KLHL4: variants seen among roughly 807,000 people sequenced by gnomAD.
KLHL4 encodes the protein kelch-like protein 4.
A neutral mutation model predicts 45.8 loss-of-function variants in KLHL4; 17 were observed. The ratio of observed to expected loss-of-function variants is 0.37; its 90% CI spans 0.25 to 0.56. The LOEUF is 0.56. Ranked by LOEUF, KLHL4 falls within the 20% of genes least tolerant of loss-of-function variation. The probability of loss-of-function intolerance (pLI) is 0.79; values close to 1 mark genes in which losing one functional copy is unlikely to be tolerated. For synonymous variants in KLHL4, 224 were observed against 189.9 expected (o/e 1.18, Z -1.47); for missense variants, 544 against 544.9 (o/e 1.00, Z 0.02).
rs745550271 is a variant in KLHL4, at chrX:87,601,093, G to A, written c.423-12784G>A. Among the ~76,000 whole-genome samples the A allele has an allele frequency of 2.7e-5, 3 of 111,951 alleles. No homozygotes were observed. In the South Asian group the frequency reaches 1.1e-3, roughly 42 times the overall value. On this transcript the variant is annotated intron_variant, in intron 1 of 10. Coordinates refer to ENST00000373119, the MANE Select transcript of KLHL4 (RefSeq NM_019117.5). ...ATCCATACAGGTCTACAGCAACTTG[G>A]TTCTTGACTCCTTGGAGGAAATAAT...
intron 1 of KLHL4, among the ~76,000 whole-genome samples, chrX:87,567,176 C>T (rs888803880): frequency 3.6e-5 from 4 of 111,040 alleles, no homozygotes; most frequent in South Asian, 3.8e-4. Context: ...TATGAAAAAT[C>T]GGCAGCTAAC....
intron 1 of KLHL4, among the ~76,000 whole-genome samples, chrX:87,572,299 A>C (rs1012927968): frequency 1.4e-5 from 1 of 72,446 alleles, no homozygotes; most frequent in African/African-American, 5.4e-5. Flanking sequence ...CAAATTGTCT[A>C]CCCTTTCTTC....
At chrX:87,591,266 G>GA (rs1921654477) in intron 1 of KLHL4, among the ~76,000 whole-genome samples, 1 of 111,563 alleles carries the variant, frequency 9.0e-6, no homozygotes, top group Non-Finnish European at 1.9e-5. Context: ...TCATATACGT[G>GA]ATTTGTCATT....
chrX:87,548,350 A>G (rs1931728455), intron 1 of KLHL4, among the ~76,000 whole-genome samples: 1 of 112,080 alleles, frequency 8.9e-6, no homozygotes, highest in Admixed American at 9.5e-5. Context: ...GTCTACAAGA[A>G]ATGCTGAAGG....
At chrX:87,566,829 C>T (rs1307965739) in intron 1 of KLHL4, among the ~76,000 whole-genome samples, 1 of 111,098 alleles carries the variant, frequency 9.0e-6, no homozygotes, top group East Asian at 2.9e-4. Context: ...GAAAAAAGAT[C>T]ATTACAATCT....
At chrX:87,605,666 A>G (rs1260596220) in intron 1 of KLHL4, among the ~76,000 whole-genome samples, 1 of 111,148 alleles carries the variant, frequency 9.0e-6, no homozygotes, top group Non-Finnish European at 1.9e-5. Flanking sequence ...AGATAATGCC[A>G]TCTGCAAATA....
intron 1 of KLHL4, among the ~76,000 whole-genome samples, chrX:87,574,061 T>TA (rs1005051448): frequency 5.4e-5 from 6 of 111,478 alleles, no homozygotes; most frequent in Non-Finnish European, 7.6e-5. Context: ...TATTCAAAAC[T>TA]AAAAAAAATT....
In KLHL4 at chrX:87,517,859, T is replaced by A; in HGVS notation, c.-35T>A. The A allele has an allele frequency of 8.6e-7, 1 of 1,162,857 alleles. No homozygotes were observed. The highest frequency in any genetic ancestry group is 1.1e-6 in the Non-Finnish European group (1 of 870,420). ...GATAACAAAGGCTCCGTTTCCTTTCTGTGAGAGAAGGCTTTTGTCTTTCCT... is the reference window on the plus strand; with the variant it reads ...GATAACAAAGGCTCCGTTTCCTTTCAGTGAGAGAAGGCTTTTGTCTTTCCT... On this transcript the variant is annotated 5_prime_UTR_variant, in exon 1 of 11. Coordinates refer to ENST00000373119, the MANE Select transcript of KLHL4 (RefSeq NM_019117.5).
At chrX:87,529,070 A>G (rs996557304) in intron 1 of KLHL4, among the ~76,000 whole-genome samples, 3 of 111,327 alleles carry the variant, frequency 2.7e-5, no homozygotes, top group South Asian at 7.5e-4. Context: ...AAAGGAAAAA[A>G]AAAAACCATT....
rs1032640124 is a variant in KLHL4, at chrX:87,666,691, C to T, written c.*157C>T. On this transcript the variant is annotated 3_prime_UTR_variant, in exon 11 of 11. Coordinates refer to ENST00000373119, the MANE Select transcript of KLHL4 (RefSeq NM_019117.5). ...ATTTGTAGTTACAATTGCTTTCATT[C>T]GTGAAGCCGAAACGTTTTTAAACAT... is the stretch of plus-strand genomic sequence containing the variant. 9 of 975,466 alleles carry T rather than the reference C, an allele frequency of 9.2e-6. No individual in the cohort carries two copies. The highest frequency in any genetic ancestry group is 5.1e-5 in the Admixed American group (1 of 19,497). 80.4% of individuals were successfully genotyped at this position (975,466 alleles called of 1,213,427 possible).
In KLHL4 at chrX:87,669,477, A is replaced by G. The variant is rs1924492351; in HGVS notation, c.*2943A>G. 49 of 1,084,351 alleles carry G rather than the reference A, an allele frequency of 4.5e-5. No homozygotes were observed. The East Asian group carries it at 1.6e-3, about 35-fold the overall frequency. The allele number at this position is 1,084,351 out of a possible 1,213,427, so 89.4% of individuals were successfully genotyped here. A position where few individuals can be genotyped will look rare whatever the true frequency, so the allele number is the denominator to read the frequency against. On this transcript the variant is annotated 3_prime_UTR_variant, in exon 11 of 11. Transcript: ENST00000373119. ...GTTGCCCCTTTTTGATATGGAGGGA[A>G]CACTGAAAGACAGTTTCCTTCTGGA...
intron 1 of KLHL4, among the ~76,000 whole-genome samples, chrX:87,581,360 G>A (rs1602427435): frequency 2.7e-5 from 3 of 112,346 alleles, no homozygotes; most frequent in Admixed American, 9.4e-5. Flanking sequence ...GCTGCTCTCC[G>A]CAAAAGCAAT....
Position 87,664,817 on chromosome X carries a change from G to C in KLHL4, c.1979G>C (p.Arg660Pro). The change falls in exon 10 of 11, where the codon CGA (arginine) becomes CCA (proline). Residue 660 changes from arginine to proline, a missense_variant. Physicochemically the swap from Arg to Pro is moderately radical, Grantham distance 103. Coordinates refer to ENST00000373119, the MANE Select transcript of KLHL4 (RefSeq NM_019117.5). ...WSTVAPLSVP[R>P]DAVAVCPLGD... ...ACTGTGGCACCTCTGAGTGTTCCTC[G>C]AGATGCTGTTGCTGTGTGCCCTCTT... is the stretch of plus-strand genomic sequence containing the variant. 1 of 1,204,916 alleles carries C rather than the reference G, an allele frequency of 8.3e-7. No homozygotes were observed. The highest frequency in any genetic ancestry group is 3.0e-5 in the East Asian group (1 of 33,763).
chrX:87,620,973 GCAGTTCTCTTT>G (rs1260325481), intron 4 of KLHL4, among the ~76,000 whole-genome samples: 1 of 112,617 alleles, frequency 8.9e-6, no homozygotes, highest in East Asian at 2.8e-4. Flanking sequence ...AGTAAGAACA[GCAGTTCTCTTT>G]CAGTTGTTTG....
chrX:87,554,738 G>C lies in KLHL4; in HGVS notation c.422+36423G>C, dbSNP rs1268139906. 1.0e-4 allele frequency among the ~76,000 whole-genome samples: 11 copies of C among 104,976 alleles called. No individual in the cohort carries two copies. The South Asian group carries it at 3.6e-3, about 35-fold the overall frequency. 91.2% of individuals were successfully genotyped at this position (104,976 alleles called of 115,157 possible). On this transcript the variant is annotated intron_variant, in intron 1 of 10. Coordinates refer to ENST00000373119, the MANE Select transcript of KLHL4 (RefSeq NM_019117.5). ...TTCTCCTTCCTAATTGCCCTGGCCA[G>C]AACTTCCAACACTATGTTGAATAGG...
At chrX:87,574,371 A>G in intron 1 of KLHL4, among the ~76,000 whole-genome samples, 1 of 111,871 alleles carries the variant, frequency 8.9e-6, no homozygotes, top group African/African-American at 3.2e-5. Flanking sequence ...CTTTAAAAAA[A>G]TCAAGTGTTG....
At chrX:87,585,123 A>G (rs1479256246) in intron 1 of KLHL4, among the ~76,000 whole-genome samples, 1 of 111,843 alleles carries the variant, frequency 8.9e-6, no homozygotes, top group African/African-American at 3.2e-5. Context: ...TTACTCTAGA[A>G]TAATATATCT....
intron 9 of KLHL4, among the ~76,000 whole-genome samples, chrX:87,662,316 T>G (rs1194812081): frequency 1.8e-5 from 2 of 111,899 alleles, no homozygotes; most frequent in Non-Finnish European, 3.8e-5. Flanking sequence ...GAACATGTGT[T>G]AAACATTTTA....
intron 1 of KLHL4, among the ~76,000 whole-genome samples, chrX:87,528,237 T>A (rs1419585187): frequency 5.4e-5 from 6 of 111,496 alleles, no homozygotes; most frequent in Non-Finnish European, 1.1e-4. Flanking sequence ...AGCTGAAGAA[T>A]TTCATAATGA....
Sources: gnomAD v4.1 joint callset for allele counts (sites outside exome capture counted in the v4.1 genomes callset) on GRCh38, gnomAD v4.1.1 for gene constraint, MANE v1.5 for transcripts, NCBI Gene and HGNC (gene_info 2026-07-23, HGNC 2026-07-21) for gene names.